GALNT13: variants seen among roughly 807,000 people sequenced by gnomAD.
The protein encoded by GALNT13 is polypeptide N-acetylgalactosaminyltransferase 13, also known as UDP-GalNAc:polypeptide N-acetylgalactosaminyltransferase 13.
A neutral mutation model predicts 64.2 loss-of-function variants in GALNT13; 28 were observed. That is an observed-to-expected ratio of 0.44 (90% CI 0.32 to 0.60). The LOEUF (loss-of-function observed/expected upper bound fraction) is 0.60, where lower values mean the gene tolerates loss of function less well. Ranked by LOEUF, GALNT13 falls within the 20% of genes least tolerant of loss-of-function variation. The pLI is 0.05. For missense variants in GALNT13, 577 were observed against 669.8 expected (o/e 0.86, Z 1.53); for synonymous variants, 214 against 224.6 (o/e 0.95, Z 0.42).
the GALNT13 span, among the ~76,000 whole-genome samples, chr2:153,439,472 T>C: frequency 6.6e-6 from 1 of 152,196 alleles, no homozygotes; most frequent in African/African-American, 2.4e-5. Flanking sequence ...TCCACCCAGT[T>C]CGAGCTTCCT....
rs73007786 is a variant in GALNT13 at position 154,279,587 on chromosome 2, A to G, written c.975+20449A>G. Among the ~76,000 whole-genome samples, 1,371 of 152,260 alleles carry G rather than the reference A, an allele frequency of 9.0e-3. 23 individuals are homozygous for G. Among genetic ancestry groups the G allele is most frequent in the African/African-American group, 0.031 (1,291 of 41,558 alleles). On this transcript the variant is annotated intron_variant, in intron 8 of 12. Transcript: ENST00000392825. ...CTCTATGGAGCAACTTTTAAATTTC[A>G]CAAGAATAACATTTTGAAGTACTAG...
the GALNT13 span, chr2:153,478,814 G>T: frequency 3.3e-5 from 15 of 451,976 alleles, no homozygotes; most frequent in Non-Finnish European, 6.0e-5. Context: ...CTCGCTCGAG[G>T]GGGGGCTGTT....
chr2:153,949,884 G>A (rs533530759), intron 3 of GALNT13, among the ~76,000 whole-genome samples: 65 of 152,116 alleles, frequency 4.3e-4, no homozygotes, highest in African/African-American at 1.4e-3. Context: ...TTCAATAAAT[G>A]GAACCGAGAA....
chr2:153,643,230 C>T, the GALNT13 span, among the ~76,000 whole-genome samples: 1 of 151,164 alleles, frequency 6.6e-6, no homozygotes, highest in East Asian at 1.9e-4. Context: ...TCTGTAATGA[C>T]TAGTAAAATA....
chr2:153,729,399 A>G, the GALNT13 span, among the ~76,000 whole-genome samples: 5 of 152,132 alleles, frequency 3.3e-5, no homozygotes, highest in Admixed American at 2.0e-4. Flanking sequence ...TAATTTTAAT[A>G]TAGTTTAATT....
At chr2:153,729,188 C>G in the GALNT13 span, among the ~76,000 whole-genome samples, 1 of 152,050 alleles carries the variant, frequency 6.6e-6, no homozygotes, top group Non-Finnish European at 1.5e-5. Context: ...TGAAAACCAG[C>G]TCATTTAGAT....
chr2:153,110,896 C>T, the GALNT13 span, among the ~76,000 whole-genome samples: 3 of 152,190 alleles, frequency 2.0e-5, no homozygotes, highest in Non-Finnish European at 2.9e-5. Flanking sequence ...ATTCTATTTC[C>T]TAAACAAGGT....
Position 154,381,159 on chromosome 2 carries a change from C to T in GALNT13, c.1157-14832C>T, listed in dbSNP as rs112070925. 6.3e-3 allele frequency among the ~76,000 whole-genome samples: 951 copies of T among 152,074 alleles called. 15 individuals are homozygous for T. Among genetic ancestry groups the T allele is most frequent in the African/African-American group, 0.022 (913 of 41,506 alleles). ...AAATATCAGGAAGTAGGGGTAATAG[C>T]CTTTTTAGAGTCTCTTTGCTACAGA... On this transcript the variant is annotated intron_variant, in intron 9 of 12. Coordinates refer to ENST00000392825, the MANE Select transcript of GALNT13 (RefSeq NM_052917.4).
At chr2:153,249,510 G>T in the GALNT13 span, among the ~76,000 whole-genome samples, 4 of 152,176 alleles carry the variant, frequency 2.6e-5, no homozygotes, top group Admixed American at 2.6e-4. Context: ...TTTCTTCACA[G>T]AATTAGAAAA....
chr2:153,147,898 G>A, the GALNT13 span, among the ~76,000 whole-genome samples: 1 of 151,830 alleles, frequency 6.6e-6, no homozygotes, highest in Non-Finnish European at 1.5e-5. Context: ...GTAGCTGGGA[G>A]CTCAATGCTG....
the GALNT13 span, among the ~76,000 whole-genome samples, chr2:153,321,511 T>TA: frequency 2.6e-5 from 4 of 152,148 alleles, no homozygotes; most frequent in Admixed American, 6.6e-5. Context: ...TACAAAAAAG[T>TA]AAAAATCTAT....
At chr2:153,105,461 A>G in the GALNT13 span, among the ~76,000 whole-genome samples, 3 of 152,188 alleles carry the variant, frequency 2.0e-5, no homozygotes, top group Non-Finnish European at 4.4e-5. Context: ...GAAAACTGGC[A>G]CAAGACAGGG....
the GALNT13 span, among the ~76,000 whole-genome samples, chr2:153,184,506 T>C: frequency 1.3e-5 from 2 of 152,214 alleles, no homozygotes; most frequent in African/African-American, 4.8e-5. Context: ...TCCAATATTA[T>C]GTTGAATGGG....
chr2:154,172,395 T>C (rs1364096205), intron 4 of GALNT13, among the ~76,000 whole-genome samples: 1 of 152,012 alleles, frequency 6.6e-6, no homozygotes, highest in African/African-American at 2.4e-5. Context: ...TGTTATTCCT[T>C]CTATCATACT....
At chr2:153,834,739 A>T in the GALNT13 span, among the ~76,000 whole-genome samples, 52 of 152,194 alleles carry the variant, frequency 3.4e-4, 1 homozygote, top group African/African-American at 1.1e-3. Context: ...TTTGGGGAAC[A>T]TGAATTTGGA....
At chr2:153,853,606 T>A in the GALNT13 span, among the ~76,000 whole-genome samples, 3 of 151,822 alleles carry the variant, frequency 2.0e-5, no homozygotes, top group African/African-American at 7.3e-5. Context: ...ACAACATGGG[T>A]GAATCTCAAA....
chr2:153,223,376 T>C, the GALNT13 span, among the ~76,000 whole-genome samples: 1 of 152,222 alleles, frequency 6.6e-6, no homozygotes, highest in African/African-American at 2.4e-5. Flanking sequence ...AGAATATTAA[T>C]TTTTCTCAGG....
At chr2:153,667,427 T>C in the GALNT13 span, among the ~76,000 whole-genome samples, 1 of 152,182 alleles carries the variant, frequency 6.6e-6, no homozygotes, top group African/African-American at 2.4e-5. Context: ...CAGAAGGTCT[T>C]TCATGAGAAC....
the GALNT13 span, among the ~76,000 whole-genome samples, chr2:153,639,612 G>C: frequency 2.0e-5 from 3 of 152,114 alleles, no homozygotes; most frequent in African/African-American, 4.8e-5. Flanking sequence ...GATAATGTAG[G>C]AAAGGAAGAA....
Sources: gnomAD v4.1 joint callset for allele counts (sites outside exome capture counted in the v4.1 genomes callset) on GRCh38, gnomAD v4.1.1 for gene constraint, MANE v1.5 for transcripts, NCBI Gene and HGNC (gene_info 2026-07-23, HGNC 2026-07-21) for gene names.